DHRSX: variants seen among roughly 807,000 people sequenced by gnomAD.
DHRSX encodes polyprenol dehydrogenase.
In DHRSX, 31 loss-of-function variants were observed where a neutral mutation model predicts 34.0. That is an observed-to-expected ratio of 0.91 (90% CI 0.69 to 1.23). DHRSX has a LOEUF of 1.23. Among genes scored for constraint, DHRSX ranks in the 50% most tolerant of loss-of-function variants. The pLI is 0.00. For synonymous variants in DHRSX, 201 were observed against 183.8 expected, an observed-to-expected ratio of 1.09 and a Z score of -0.76; for missense variants, 414 against 428.1, an observed-to-expected ratio of 0.97 and a Z score of 0.29.
At chrX:2,331,718 G>C (rs2042480890) in intron 3 of DHRSX, among the ~76,000 whole-genome samples, 1 of 151,972 alleles carries the variant, frequency 6.6e-6, no homozygotes, top group African/African-American at 2.4e-5. Context: ...TCAAAGTGCT[G>C]GGATTACAGG....
chrX:2,410,740 G>T (rs1243399042), intron 2 of DHRSX, among the ~76,000 whole-genome samples: 2 of 152,190 alleles, frequency 1.3e-5, no homozygotes, highest in Non-Finnish European at 2.9e-5. Context: ...TATAAAAGAG[G>T]AGAAGCAGTG....
chrX:2,499,528 T>G (rs1304719772), intron 1 of DHRSX, among the ~76,000 whole-genome samples: 4 of 152,196 alleles, frequency 2.6e-5, no homozygotes, highest in Admixed American at 2.0e-4. Context: ...CCCAGCAGTT[T>G]GGGAGGCCCA....
At chrX:2,255,007 C>T (rs781726873) in intron 5 of DHRSX, among the ~76,000 whole-genome samples, 329 of 140,224 alleles carry the variant, frequency 2.3e-3, no homozygotes, top group Non-Finnish European at 4.1e-3. Context: ...TTGCCCAGGC[C>T]GGGCTGGAGT....
intron 3 of DHRSX, among the ~76,000 whole-genome samples, chrX:2,389,512 C>A (rs1050931484): frequency 3.3e-5 from 5 of 152,084 alleles, no homozygotes; most frequent in African/African-American, 1.2e-4. Context: ...ATGGATGACA[C>A]CCCACGGGCT....
Position 2,500,848 on chromosome X carries a change from C to T in DHRSX, c.78G>A (p.Leu26=), listed in dbSNP as rs1451633392. The change falls in exon 1 of 7, where the codon CTG becomes CTA. Residue 26 remains leucine (L), a synonymous_variant. Coordinates refer to ENST00000334651, the MANE Select transcript of DHRSX (RefSeq NM_145177.3). The stretch of plus-strand genomic sequence containing the variant: ...CCAGGAAGCCCCCGCGGCAGCGCCG[C>T]AGCAGCTGCGCCAGGATCACCGCGG... The part of the protein sequence containing the change: ...VGAAVILAQL[L]RRCRGGFLEP... 1 of 1,154,508 alleles carries T rather than the reference C, an allele frequency of 8.7e-7. No homozygotes were observed. The highest frequency in any genetic ancestry group is 1.1e-6 in the Non-Finnish European group (1 of 933,862). The allele number at this position is 1,154,508 out of a possible 1,614,324, so 71.5% of individuals were successfully genotyped here.
In DHRSX at chrX:2,361,800, A is replaced by C. The variant is rs186641159; in HGVS notation, c.286+46945T>G. 2.3e-3 allele frequency among the ~76,000 whole-genome samples: 347 copies of C among 152,360 alleles called. 1 individual carries two copies. Among genetic ancestry groups the C allele is most frequent in the African/African-American group, 8.1e-3 (335 of 41,592 alleles). ...AGCACTTTTGATTGACTGTCTGATTAGAGGTACTTTTAATGGAATAGGCAG... is the reference window on the plus strand; with the variant it reads ...AGCACTTTTGATTGACTGTCTGATTCGAGGTACTTTTAATGGAATAGGCAG... On this transcript the variant is annotated intron_variant, in intron 3 of 6. Coordinates refer to ENST00000334651, the MANE Select transcript of DHRSX (RefSeq NM_145177.3).
chrX:2,274,306 G>A (rs937159417), intron 4 of DHRSX, among the ~76,000 whole-genome samples: 5 of 151,956 alleles, frequency 3.3e-5, no homozygotes, highest in Non-Finnish European at 5.9e-5. Flanking sequence ...CCAAAGTGCT[G>A]GGACTACAGG....
intron 5 of DHRSX, among the ~76,000 whole-genome samples, chrX:2,245,224 A>G (rs1364254160): frequency 6.6e-6 from 1 of 152,120 alleles, no homozygotes; most frequent in Admixed American, 6.5e-5. Flanking sequence ...TCACAAACCC[A>G]AAAGAATGTA....
intron 3 of DHRSX, among the ~76,000 whole-genome samples, chrX:2,315,905 A>G (rs1468741038): frequency 6.6e-6 from 1 of 152,064 alleles, no homozygotes; most frequent in Non-Finnish European, 1.5e-5. Context: ...TCTGTTGCCT[A>G]GGCTGGAGTG....
chrX:2,484,463 C>T (rs1345931557), intron 1 of DHRSX, among the ~76,000 whole-genome samples: 2 of 152,168 alleles, frequency 1.3e-5, no homozygotes, highest in African/African-American at 2.4e-5. Flanking sequence ...AGCCTGGCTG[C>T]AAAGCCCTGA....
At chrX:2,374,517 TCA>T (rs1220552594) in intron 3 of DHRSX, among the ~76,000 whole-genome samples, 18,660 of 134,248 alleles carry the variant, frequency 0.14, 2,839 homozygotes, top group Non-Finnish European at 0.23. Context: ...GGCAGGCAAA[TCA>T]CCTGAGGTCG....
chrX:2,496,231 C>T (rs2045282242), intron 1 of DHRSX, among the ~76,000 whole-genome samples: 1 of 152,054 alleles, frequency 6.6e-6, no homozygotes, highest in Non-Finnish European at 1.5e-5. Flanking sequence ...CGGAGTCTCG[C>T]CCTGTTGCCC....
At chrX:2,478,195 C>G (rs6641587) in intron 1 of DHRSX, among the ~76,000 whole-genome samples, 62,031 of 151,876 alleles carry the variant, frequency 0.41, 12,967 homozygotes, top group African/African-American at 0.5. Context: ...ATGCGGTCAG[C>G]ACGGTGGCTG....
At chrX:2,337,878 G>C (rs2042588300) in intron 3 of DHRSX, 1 of 151,986 alleles carries the variant, frequency 6.6e-6, no homozygotes, top group African/African-American at 2.4e-5. Flanking sequence ...GGGGGCTCCA[G>C]CTTCATAGAC....
intron 1 of DHRSX, chrX:2,486,402 G>A (rs1223817574): frequency 6.6e-6 from 1 of 152,112 alleles, no homozygotes; most frequent in African/African-American, 2.4e-5. Flanking sequence ...CAGTCCAGAC[G>A]GACACGCGGC....
chrX:2,376,825 C>A (rs1360593312), intron 3 of DHRSX, among the ~76,000 whole-genome samples: 3 of 152,100 alleles, frequency 2.0e-5, no homozygotes, highest in African/African-American at 7.2e-5. Flanking sequence ...GAAACCCTGT[C>A]TCTACTAAAA....
intron 3 of DHRSX, among the ~76,000 whole-genome samples, chrX:2,387,882 T>C (rs2043289759): frequency 9.5e-6 from 1 of 104,974 alleles, no homozygotes; most frequent in African/African-American, 3.7e-5. Context: ...AATTCCCTAC[T>C]CTGAGCCTCC....
rs1255142469 is a variant in DHRSX at position 2,423,092 on chromosome X, C to T, written c.217+2105G>A. Among the ~76,000 whole-genome samples, 5 of 151,670 alleles carry T rather than the reference C, an allele frequency of 3.3e-5. No individual in the cohort carries two copies. In the East Asian group the frequency reaches 1.0e-3, roughly 30 times the overall value. On this transcript the variant is annotated intron_variant, in intron 2 of 6. Coordinates refer to ENST00000334651, the MANE Select transcript of DHRSX (RefSeq NM_145177.3). The stretch of plus-strand genomic sequence containing the variant: ...TGCTGGGATTACAGGCATAAGCCAC[C>T]ACGCCCAGCCGCCAAAATAACTTTT...
chrX:2,359,394 T>C (rs771919294), intron 3 of DHRSX, among the ~76,000 whole-genome samples: 3 of 152,250 alleles, frequency 2.0e-5, no homozygotes, highest in Admixed American at 1.3e-4. Flanking sequence ...ATATGGTACA[T>C]AGGCCAGGTG....
Sources: gnomAD v4.1 joint callset for allele counts (sites outside exome capture counted in the v4.1 genomes callset) on GRCh38, gnomAD v4.1.1 for gene constraint, MANE v1.5 for transcripts, NCBI Gene and HGNC (gene_info 2026-07-23, HGNC 2026-07-21) for gene names.